NEBL: variants seen among roughly 807,000 people sequenced by gnomAD.
The protein encoded by NEBL is LIM and SH3 protein 2.
NEBL carries 122 observed loss-of-function variants against 140.2 expected under a neutral mutation model. The ratio of observed to expected loss-of-function variants is 0.87; its 90% CI spans 0.75 to 1.01. The LOEUF (loss-of-function observed/expected upper bound fraction) is 1.01, where lower values mean the gene tolerates loss of function less well. Ranked by LOEUF, NEBL falls within the 50% of genes least tolerant of loss-of-function variation. The probability of loss-of-function intolerance (pLI) is 0.00; values close to 1 mark genes in which losing one functional copy is unlikely to be tolerated. For missense variants in NEBL, 1,365 were observed against 1,231.3 expected (o/e 1.11, Z -1.62); for synonymous variants, 436 against 398.9 (o/e 1.09, Z -1.11).
intron 3 of NEBL, among the ~76,000 whole-genome samples, chr10:20,987,280 C>T (rs1005117114): frequency 1.3e-5 from 2 of 151,972 alleles, no homozygotes; most frequent in Non-Finnish European, 2.9e-5. Flanking sequence ...TCCCTTGAAG[C>T]CCCTCAAATG....
intron 2 of NEBL, among the ~76,000 whole-genome samples, chr10:21,095,915 C>T (rs1432037239): frequency 6.6e-6 from 1 of 152,180 alleles, no homozygotes; most frequent in Non-Finnish European, 1.5e-5. Context: ...AATCCCCTAA[C>T]TAGACTGGAT....
At chr10:20,786,982 A>G (rs1245126691) in intron 27 of NEBL, among the ~76,000 whole-genome samples, 1 of 152,142 alleles carries the variant, frequency 6.6e-6, no homozygotes, top group Non-Finnish European at 1.5e-5. Flanking sequence ...TGTATGTTTT[A>G]TTGTTTTATG....
At chr10:21,207,254 G>A (rs1033122554) in intron 3 of NEBL, among the ~76,000 whole-genome samples, 2 of 151,910 alleles carry the variant, frequency 1.3e-5, no homozygotes, top group East Asian at 3.9e-4. Context: ...GATTACAGAC[G>A]TAAGCCACCA....
Position 21,121,771 on chromosome 10 carries a change from G to A in NEBL, c.164+50612C>T, listed in dbSNP as rs113833790. On this transcript the variant is annotated intron_variant, in intron 2 of 6. Coordinates refer to the NEBL transcript ENST00000417816. The stretch of plus-strand genomic sequence containing the variant: ...CAGTTAACTCCCCTAATTGACAGTA[G>A]CACATTAGACAGCCTGGAGATAGAT... Among the ~76,000 whole-genome samples, 22 of 152,248 alleles carry A rather than the reference G, an allele frequency of 1.4e-4. 1 individual carries two copies. The highest frequency in any genetic ancestry group is 5.3e-4 in the African/African-American group (22 of 41,546).
chr10:20,880,456 A>G (rs1845912249), intron 5 of NEBL, among the ~76,000 whole-genome samples: 1 of 152,196 alleles, frequency 6.6e-6, no homozygotes, highest in Non-Finnish European at 1.5e-5. Context: ...CCTTTCTTCC[A>G]GTTCTTCTGT....
chr10:20,862,366 T>C (rs77679113), intron 7 of NEBL, among the ~76,000 whole-genome samples: 2,972 of 152,212 alleles, frequency 0.02, 90 homozygotes, highest in African/African-American at 0.067. Flanking sequence ...AATAGTAACA[T>C]AACTACATTA....
intron 2 of NEBL, among the ~76,000 whole-genome samples, chr10:21,163,337 T>G (rs1564532453): frequency 6.6e-6 from 1 of 152,090 alleles, no homozygotes; most frequent in Non-Finnish European, 1.5e-5. Context: ...GGGCAGATAG[T>G]GGGGAGAGTA....
At chr10:21,080,699 C>A (rs1836325440) in intron 2 of NEBL, among the ~76,000 whole-genome samples, 1 of 152,118 alleles carries the variant, frequency 6.6e-6, no homozygotes, top group Non-Finnish European at 1.5e-5. Flanking sequence ...GAAAGTGGTT[C>A]TAAAAACAGA....
chr10:21,280,241 A>G (rs140111135), intron 1 of NEBL, among the ~76,000 whole-genome samples: 33 of 152,218 alleles, frequency 2.2e-4, no homozygotes, highest in Non-Finnish European at 3.7e-4. Context: ...TCACATGACC[A>G]TCTCTTCCAG....
chr10:21,186,412 A>T (rs1841472907), intron 3 of NEBL, among the ~76,000 whole-genome samples: 1 of 152,072 alleles, frequency 6.6e-6, no homozygotes, highest in South Asian at 2.1e-4. Flanking sequence ...ACGTGTGTAT[A>T]CAGTTGCCTT....
intron 3 of NEBL, among the ~76,000 whole-genome samples, chr10:21,184,537 C>A (rs1841434717): frequency 6.6e-6 from 1 of 152,108 alleles, no homozygotes; most frequent in Admixed American, 6.5e-5. Flanking sequence ...AATGAATGAA[C>A]CTGGCTTCAT....
At chr10:21,137,318 C>T (rs1328690323) in intron 2 of NEBL, among the ~76,000 whole-genome samples, 1 of 152,192 alleles carries the variant, frequency 6.6e-6, no homozygotes, top group Non-Finnish European at 1.5e-5. Context: ...TAACAAATAT[C>T]CATCCAAACA....
chr10:20,831,353 G>A (rs747271902), intron 15 of NEBL, 47 bp from the exon 16 acceptor site: 3 of 1,531,610 alleles, frequency 2.0e-6, no homozygotes, highest in East Asian at 2.3e-5. Context: ...AGCTTTAATA[G>A]CGATGTTGAA....
At chr10:21,154,052 A>C (rs1305423665) in intron 2 of NEBL, among the ~76,000 whole-genome samples, 1 of 152,188 alleles carries the variant, frequency 6.6e-6, no homozygotes, top group East Asian at 1.9e-4. Context: ...TTTCCTAAAA[A>C]TCAGCTTAAT....
At chr10:21,086,262 T>C (rs1358093027) in intron 2 of NEBL, among the ~76,000 whole-genome samples, 8 of 152,200 alleles carry the variant, frequency 5.3e-5, no homozygotes. Context: ...TATTAGCTTA[T>C]CCAAAACTGC....
chr10:20,897,366 G>A (rs1588973385), upstream of NEBL: 4 of 1,433,044 alleles, frequency 2.8e-6, no homozygotes, highest in East Asian at 1.0e-4. Flanking sequence ...TTATCTCAGT[G>A]GTGTGTGAGT....
chr10:21,111,122 T>C (rs1837990818), intron 2 of NEBL, among the ~76,000 whole-genome samples: 1 of 152,202 alleles, frequency 6.6e-6, no homozygotes, highest in Admixed American at 6.5e-5. Context: ...GAACTTTCCA[T>C]GCTCATGGAT....
At chr10:20,817,795 T>C in intron 20 of NEBL, 103 bp from the exon 21 acceptor site, 1 of 954,902 alleles carries the variant, frequency 1.0e-6, no homozygotes, top group East Asian at 2.4e-5. Flanking sequence ...TACACATTTT[T>C]TTCCACAGTT....
intron 4 of NEBL, among the ~76,000 whole-genome samples, chr10:20,929,235 G>A (rs1297276494): frequency 6.6e-6 from 1 of 150,932 alleles, no homozygotes; most frequent in African/African-American, 2.4e-5. Flanking sequence ...ACAGATGACT[G>A]GATAAAGAAA....
Sources: allele counts gnomAD v4.1 joint callset (sites outside exome capture counted in the v4.1 genomes callset), GRCh38; gene constraint gnomAD v4.1.1; transcripts MANE v1.5; gene names NCBI Gene and HGNC (gene_info 2026-07-23, HGNC 2026-07-21).